Variants in SPATA6 observed in about 807,000 individuals in gnomAD.
SPATA6 encodes spermatogenesis associated 6, also known as spermatogenesis-associated protein 6.
Under a neutral mutation model 65.3 loss-of-function variants are expected in SPATA6, and 56 were observed. The observed-to-expected ratio is 0.86, with a 90% CI of 0.69 to 1.07. The LOEUF is 1.07. Ranked by LOEUF, SPATA6 falls within the 50% of genes least tolerant of loss-of-function variation. SPATA6 has a pLI of 0.00. For missense variants in SPATA6, 590 were observed against 594.8 expected, an observed-to-expected ratio of 0.99 and a Z score of 0.08; for synonymous variants, 199 against 213.2, an observed-to-expected ratio of 0.93 and a Z score of 0.58.
At chr1:48,447,188 G>A (rs2148135210) in intron 3 of SPATA6, among the ~76,000 whole-genome samples, 1 of 152,232 alleles carries the variant, frequency 6.6e-6, no homozygotes, top group South Asian at 2.1e-4. Flanking sequence ...TTCTGGTCAA[G>A]AATAGGTTAT....
intron 3 of SPATA6, among the ~76,000 whole-genome samples, chr1:48,451,344 G>T (rs2275310): frequency 0.025 from 3,762 of 152,076 alleles, 100 homozygotes; most frequent in African/African-American, 0.067. Context: ...AAAAAAGAAA[G>T]AATTCTCAGC....
chr1:48,333,672 T>C (rs958546933), intron 11 of SPATA6, among the ~76,000 whole-genome samples: 1 of 152,046 alleles, frequency 6.6e-6, no homozygotes, highest in East Asian at 1.9e-4. Context: ...TTTATAGCAT[T>C]AAATACCTGC....
chr1:48,365,904 C>T (rs1233622972), intron 9 of SPATA6, among the ~76,000 whole-genome samples: 3 of 152,148 alleles, frequency 2.0e-5, no homozygotes, highest in African/African-American at 7.2e-5. Context: ...AGTTTTTGCC[C>T]ATTCAGTATG....
Position 48,328,194 on chromosome 1 carries a change from A to C in SPATA6, c.1195-22316T>G, listed in dbSNP as rs777193424. On this transcript the variant is annotated intron_variant, in intron 11 of 12. Transcript: ENST00000371847. ...GCTATAATCAGAAAAGATAGCTAAT[A>C]AAAAAGTTCAGCAAGGATGCCAGGT... Among the ~76,000 whole-genome samples the C allele has an allele frequency of 8.0e-4, 122 of 152,252 alleles. 2 individuals carry two copies. The highest frequency in any genetic ancestry group is 4.8e-3 in the Admixed American group (74 of 15,288).
intron 9 of SPATA6, among the ~76,000 whole-genome samples, chr1:48,366,107 C>T (rs946458597): frequency 5.9e-5 from 9 of 152,068 alleles, no homozygotes; most frequent in East Asian, 5.8e-4. Flanking sequence ...TATTGATTTG[C>T]GTATGTTGAA....
chr1:48,418,378 A>G (rs1295313598), intron 3 of SPATA6, among the ~76,000 whole-genome samples: 4 of 151,868 alleles, frequency 2.6e-5, no homozygotes, highest in African/African-American at 9.7e-5. Flanking sequence ...CCTGTCTTCT[A>G]GAAAATATCT....
chr1:48,273,386 A>G, the SPATA6 span, among the ~76,000 whole-genome samples: 1 of 152,260 alleles, frequency 6.6e-6, no homozygotes, highest in Non-Finnish European at 1.5e-5. Context: ...ATACATGTGT[A>G]GAATGTGCAG....
intron 2 of SPATA6, 43 bp from the exon 3 acceptor site, chr1:48,451,643 TA>T (rs1369114898): frequency 1.3e-6 from 2 of 1,571,084 alleles, no homozygotes; most frequent in African/African-American, 2.8e-5. Context: ...GGAAGATATA[TA>T]TTTTTTTTCT....
chr1:48,290,821 A>G (rs1644762041), downstream of SPATA6, among the ~76,000 whole-genome samples: 1 of 152,238 alleles, frequency 6.6e-6, no homozygotes, highest in Non-Finnish European at 1.5e-5. Context: ...TATGCACACA[A>G]CACAGGAACA....
At chr1:48,386,625 A>G (rs760594476) in intron 8 of SPATA6, among the ~76,000 whole-genome samples, 2 of 152,240 alleles carry the variant, frequency 1.3e-5, no homozygotes, top group Admixed American at 1.3e-4. Context: ...ATACTTCTCA[A>G]TACACAGAAA....
chr1:48,401,820 G>C (rs1342050268), intron 6 of SPATA6, among the ~76,000 whole-genome samples: 1 of 152,130 alleles, frequency 6.6e-6, no homozygotes, highest in African/African-American at 2.4e-5. Flanking sequence ...AACACTTGCT[G>C]TTTTAAGTCA....
intron 11 of SPATA6, among the ~76,000 whole-genome samples, chr1:48,320,329 G>A (rs1006807388): frequency 1.3e-5 from 2 of 151,990 alleles, no homozygotes; most frequent in Admixed American, 6.6e-5. Context: ...TCCAACTGCC[G>A]AATACCAAAG....
intron 11 of SPATA6, among the ~76,000 whole-genome samples, chr1:48,349,527 AAAGTT>A (rs1357784757): frequency 6.6e-6 from 1 of 151,926 alleles, no homozygotes; most frequent in Non-Finnish European, 1.5e-5. Context: ...TTCATATAGT[AAAGTT>A]AACTCTGATG....
At chr1:48,325,683 C>G in intron 11 of SPATA6, 1 of 591,124 alleles carries the variant, frequency 1.7e-6, no homozygotes, top group South Asian at 1.7e-5. Flanking sequence ...CTGAGTTAAT[C>G]ATCCTCTTCA....
At chr1:48,421,561 AAT>A (rs1653341724) in intron 3 of SPATA6, among the ~76,000 whole-genome samples, 2 of 152,168 alleles carry the variant, frequency 1.3e-5, no homozygotes, top group African/African-American at 4.8e-5. Flanking sequence ...AAATATTTGA[AAT>A]AGACTGAAAA....
At chr1:48,373,802 G>T in intron 9 of SPATA6, among the ~76,000 whole-genome samples, 1 of 152,258 alleles carries the variant, frequency 6.6e-6, no homozygotes, top group Non-Finnish European at 1.5e-5. Flanking sequence ...CAGATCTCTT[G>T]ACACTTACTT....
chr1:48,313,328 A>C (rs1645285534), intron 11 of SPATA6, among the ~76,000 whole-genome samples: 1 of 152,242 alleles, frequency 6.6e-6, no homozygotes, highest in Non-Finnish European at 1.5e-5. Context: ...GAGGCCCATC[A>C]GACTAACAGC....
chr1:48,266,520 G>C, the SPATA6 span, among the ~76,000 whole-genome samples: 1 of 152,042 alleles, frequency 6.6e-6, no homozygotes, highest in Non-Finnish European at 1.5e-5. Flanking sequence ...TGCTTGAAAA[G>C]GATAATGGAT....
chr1:48,315,940 C>A (rs1037674062), intron 11 of SPATA6, among the ~76,000 whole-genome samples: 1 of 152,122 alleles, frequency 6.6e-6, no homozygotes, highest in African/African-American at 2.4e-5. Flanking sequence ...TTCACAACTG[C>A]TTCAAAGAGA....
Sources: allele counts gnomAD v4.1 joint callset (sites outside exome capture counted in the v4.1 genomes callset), GRCh38; gene constraint gnomAD v4.1.1; transcripts MANE v1.5; gene names NCBI Gene and HGNC (gene_info 2026-07-23, HGNC 2026-07-21).